Variants in CDKL3 observed in about 807,000 individuals in gnomAD.
The protein encoded by CDKL3 is cyclin-dependent kinase-like 3.
Under a neutral mutation model 69.3 loss-of-function variants are expected in CDKL3, and 65 were observed. The observed-to-expected ratio is 0.94, with a 90% CI of 0.77 to 1.15. The LOEUF (loss-of-function observed/expected upper bound fraction) is 1.15. CDKL3 is among the 50% of genes most tolerant of loss of function. The pLI is 0.00. For synonymous variants in CDKL3, 202 were observed against 221.6 expected (o/e 0.91, Z 0.79); for missense variants, 652 against 689.2 (o/e 0.95, Z 0.61).
chr5:134,319,607 G>C, intron 5 of CDKL3, 110 bp from the exon 6 acceptor site: 1 of 927,802 alleles, frequency 1.1e-6, no homozygotes, highest in Non-Finnish European at 1.5e-6. Context: ...ATACAAGGAA[G>C]AATGTGAATT....
chr5:134,366,571 G>A, intron 1 of CDKL3, 27 bp from the exon 2 acceptor site: 2 of 1,396,928 alleles, frequency 1.4e-6, no homozygotes, highest in Non-Finnish European at 2.0e-6. Flanking sequence ...AAAGAAAATG[G>A]AAAATGTTAA....
chr5:134,292,499 A>T (rs1412366323), intron 8 of CDKL3, among the ~76,000 whole-genome samples: 5 of 152,114 alleles, frequency 3.3e-5, no homozygotes, highest in Non-Finnish European at 7.4e-5. Context: ...TTAGAAAAGA[A>T]AGGTCTCAAA....
chr5:134,290,674 A>G (rs751429164), intron 8 of CDKL3, among the ~76,000 whole-genome samples: 1 of 152,010 alleles, frequency 6.6e-6, no homozygotes, highest in Non-Finnish European at 1.5e-5. Context: ...TTTTGGGCAG[A>G]GCAATGACAT....
downstream of CDKL3, among the ~76,000 whole-genome samples, chr5:134,294,880 T>C (rs1017434031): frequency 6.6e-6 from 1 of 151,596 alleles, no homozygotes; most frequent in African/African-American, 2.4e-5. Flanking sequence ...CCAAAATATA[T>C]AAAAATAAAT....
At chr5:134,303,678 C>G (rs564544089) in intron 11 of CDKL3, among the ~76,000 whole-genome samples, 4 of 149,082 alleles carry the variant, frequency 2.7e-5, no homozygotes, top group African/African-American at 7.5e-5. Context: ...ACCCCCCCCC[C>G]GTCTCTACTA....
intron 12 of CDKL3, chr5:134,299,790 G>A (rs1373916983): frequency 2.3e-6 from 3 of 1,323,520 alleles, no homozygotes; most frequent in Admixed American, 2.1e-5. Context: ...TTGAGGACAT[G>A]GTGAGTCTTT....
chr5:134,345,250 T>C (rs1581141178), intron 4 of CDKL3, among the ~76,000 whole-genome samples: 1 of 152,036 alleles, frequency 6.6e-6, no homozygotes, highest in African/African-American at 2.4e-5. Context: ...CCACTGAAAT[T>C]TACTTCAGAT....
intron 2 of CDKL3, among the ~76,000 whole-genome samples, chr5:134,360,698 G>T (rs1259642120): frequency 2.6e-5 from 4 of 152,080 alleles, no homozygotes; most frequent in African/African-American, 2.4e-5. Flanking sequence ...AAGATATCCT[G>T]CTATTTTTAA....
intron 2 of CDKL3, among the ~76,000 whole-genome samples, chr5:134,366,012 C>T (rs1454852373): frequency 1.3e-5 from 2 of 152,168 alleles, no homozygotes; most frequent in East Asian, 3.8e-4. Context: ...ATATACTCTC[C>T]TTTCTGATTA....
At chr5:134,338,427 C>T (rs545464477) in intron 4 of CDKL3, among the ~76,000 whole-genome samples, 1 of 152,160 alleles carries the variant, frequency 6.6e-6, no homozygotes, top group Non-Finnish European at 1.5e-5. Context: ...TGGTGGCTCA[C>T]ACCTGAAATC....
chr5:134,371,409 G>A, upstream of CDKL3: 1 of 747,230 alleles, frequency 1.3e-6, no homozygotes, highest in Non-Finnish European at 2.2e-6. Flanking sequence ...CTGTGGTAGC[G>A]GCGGAGGGCG....
At chr5:134,294,275 A>G (rs532114998), downstream of CDKL3, among the ~76,000 whole-genome samples, 1 of 152,310 alleles carries the variant, frequency 6.6e-6, no homozygotes, top group African/African-American at 2.4e-5. Context: ...CCATCTAAGT[A>G]GATGAAGAAA....
Position 134,304,421 on chromosome 5 carries a change from A to G in CDKL3, c.1605T>C (p.Asp535=), listed in dbSNP as rs1319751850. 2.5e-6 allele frequency: 4 copies of G among 1,610,626 alleles called. No individual in the cohort carries two copies. In the African/African-American group the frequency reaches 4.0e-5, roughly 16 times the overall value. The change falls in exon 11 of 13, where the codon GAT becomes GAC. Residue 535 remains aspartate, a synonymous_variant. Coordinates refer to ENST00000265334, the MANE Select transcript of CDKL3 (RefSeq NM_001113575.2). ...PELPVTIQSK[D]TKGMEVKQIK... ...AATGTGTACCTTCCATTCCTTTTGT[A>G]TCTTTTGACTGTATTGTGACAGGCA... is the stretch of plus-strand genomic sequence containing the variant.
At chr5:134,345,073 T>C (rs893055100) in intron 4 of CDKL3, among the ~76,000 whole-genome samples, 1 of 151,236 alleles carries the variant, frequency 6.6e-6, no homozygotes, top group African/African-American at 2.4e-5. Context: ...TCAAAAAAAA[T>C]AAAATAAATA....
At chr5:134,319,598 T>C (rs753283794) in intron 5 of CDKL3, 101 bp from the exon 6 acceptor site, 8 of 976,942 alleles carry the variant, frequency 8.2e-6, no homozygotes, top group South Asian at 1.7e-5. Context: ...TAAAAACTGA[T>C]ACAAGGAAGA....
At position 134,323,932 on chromosome 5, in the gene CDKL3, A is replaced by T. The variant is rs191555085; in HGVS notation, c.540-2029T>A. Reference sequence around the variant, plus strand: ...TAAGCAAATAAAAAGACAAGCCACAAACTGCGAGAAAATATTTGCAAAATA... The same window carrying T: ...TAAGCAAATAAAAAGACAAGCCACATACTGCGAGAAAATATTTGCAAAATA... On this transcript the variant is annotated intron_variant, in intron 4 of 12. Transcript: ENST00000265334. Among the ~76,000 whole-genome samples, 1,056 of 152,318 alleles carry T rather than the reference A, an allele frequency of 6.9e-3. 7 individuals carry two copies. The highest frequency in any genetic ancestry group is 0.048 in the Middle Eastern group (14 of 294).
upstream of CDKL3, among the ~76,000 whole-genome samples, chr5:134,368,961 A>G (rs537312212): frequency 6.6e-6 from 1 of 152,286 alleles, no homozygotes; most frequent in South Asian, 2.1e-4. Flanking sequence ...CAGAAGGTCA[A>G]GGCTGCAGTG....
At chr5:134,371,537 GT>G, upstream of CDKL3, 1 of 1,587,940 alleles carries the variant, frequency 6.3e-7, no homozygotes, top group Middle Eastern at 2.1e-4. Context: ...GCGCCGGGGG[GT>G]GGGGGGGCTG....
chr5:134,306,261 G>GAGGCGGAAGGATCCCTTGAGCTC (rs1767798200), intron 10 of CDKL3, among the ~76,000 whole-genome samples: 1 of 152,182 alleles, frequency 6.6e-6, no homozygotes, highest in Non-Finnish European at 1.5e-5. Context: ...TTGGGAAGCT[G>GAGGCGGAAGGATCCCTTGAGCTC]AGGCGGAAGG....
Sources: gnomAD v4.1 joint callset for allele counts (sites outside exome capture counted in the v4.1 genomes callset) on GRCh38, gnomAD v4.1.1 for gene constraint, MANE v1.5 for transcripts, NCBI Gene and HGNC (gene_info 2026-07-23, HGNC 2026-07-21) for gene names.